The following PDE1A variants were observed in gnomAD, a reference collection of about 807,000 sequenced individuals.
The protein encoded by PDE1A is phosphodiesterase 1A.
A neutral mutation model predicts 61.7 loss-of-function variants in PDE1A; 35 were observed. The ratio of observed to expected loss-of-function variants is 0.57; its 90% confidence interval spans 0.43 to 0.75. The LOEUF is 0.75. PDE1A is among the 30% of genes least tolerant of loss of function. The pLI is 0.00. For missense variants in PDE1A, 597 were observed against 630.6 expected, an observed-to-expected ratio of 0.95 and a Z score of 0.57; for synonymous variants, 232 against 213.2, an observed-to-expected ratio of 1.09 and a Z score of -0.77.
At chr2:182,609,025 T>A in the PDE1A span, among the ~76,000 whole-genome samples, 1 of 151,954 alleles carries the variant, frequency 6.6e-6, no homozygotes, top group Non-Finnish European at 1.5e-5. Flanking sequence ...TCTAGTTAAT[T>A]TGGTGGGGAC....
intron 2 of PDE1A, among the ~76,000 whole-genome samples, chr2:182,501,072 A>G (rs1689057904): frequency 6.6e-6 from 1 of 152,234 alleles, no homozygotes; most frequent in South Asian, 2.1e-4. Context: ...GAGCATGTGC[A>G]AATTTACAAA....
intron 1 of PDE1A, among the ~76,000 whole-genome samples, chr2:182,372,094 A>T (rs570592268): frequency 1.6e-3 from 244 of 152,274 alleles, no homozygotes; most frequent in Non-Finnish European, 2.7e-3. Flanking sequence ...GCCAACTCTG[A>T]TATATTTTTA....
intron 1 of PDE1A, among the ~76,000 whole-genome samples, chr2:182,377,996 G>A (rs1490742118): frequency 3.9e-5 from 6 of 151,920 alleles, no homozygotes; most frequent in Admixed American, 6.6e-5. Flanking sequence ...ATAGGTGCCC[G>A]CCACCTCGCC....
Position 182,218,134 on chromosome 2 carries a change from T to C in PDE1A, c.776+5730A>G, listed in dbSNP as rs1009423674. Among the ~76,000 whole-genome samples, 8 of 149,892 alleles carry C rather than the reference T, an allele frequency of 5.3e-5. No homozygotes were observed. The East Asian group carries it at 8.0e-4, about 15-fold the overall frequency. On this transcript the variant is annotated intron_variant, in intron 7 of 13. Coordinates refer to ENST00000351439, the Ensembl canonical transcript of PDE1A. ...GTCCTTTGTAGGGACATGGATGAAA[T>C]TGGAAAACATCATTCTCAGTAAACT...
intron 1 of PDE1A, among the ~76,000 whole-genome samples, chr2:182,387,428 G>A (rs1701177693): frequency 6.6e-6 from 1 of 150,660 alleles, no homozygotes; most frequent in African/African-American, 2.4e-5. Context: ...AAAAAAAAAA[G>A]AAGAAAGAAA....
chr2:182,331,939 G>GTGT (rs1697439012), intron 1 of PDE1A, among the ~76,000 whole-genome samples: 1 of 152,130 alleles, frequency 6.6e-6, no homozygotes, highest in African/African-American at 2.4e-5. Context: ...AACCTGAAGA[G>GTGT]TGTTTTCTAA....
At chr2:182,590,774 T>C in the PDE1A span, among the ~76,000 whole-genome samples, 3 of 152,214 alleles carry the variant, frequency 2.0e-5, no homozygotes, top group Admixed American at 1.3e-4. Flanking sequence ...GAGGAAAATA[T>C]ATCTGTTACG....
chr2:182,643,125 T>G, the PDE1A span, among the ~76,000 whole-genome samples: 1 of 152,224 alleles, frequency 6.6e-6, no homozygotes, highest in Non-Finnish European at 1.5e-5. Flanking sequence ...AGACAACTAC[T>G]GCTGGGTCCT....
At chr2:182,498,045 CAAAAAAAAAAAAAAAAAA>C in intron 2 of PDE1A, among the ~76,000 whole-genome samples, 1 of 64,320 alleles carries the variant, frequency 1.6e-5, no homozygotes, top group East Asian at 4.5e-4. Context: ...GATTGCGTCT[CAAAAAAAAAAAAAAAAAA>C]AAAAAAAAGA....
intron 1 of PDE1A, among the ~76,000 whole-genome samples, chr2:182,269,045 C>T (rs994809189): frequency 1.3e-5 from 2 of 151,706 alleles, no homozygotes; most frequent in African/African-American, 4.8e-5. Flanking sequence ...AATTAGTAGA[C>T]AAAAATGTTG....
chr2:182,558,444 A>G, the PDE1A span, among the ~76,000 whole-genome samples: 2 of 152,200 alleles, frequency 1.3e-5, no homozygotes. Context: ...CTGTAATAAT[A>G]TAAAATAAAA....
the PDE1A span, among the ~76,000 whole-genome samples, chr2:182,673,996 A>ATATATATG: frequency 1.6e-3 from 40 of 25,418 alleles, no homozygotes; most frequent in African/African-American, 3.0e-3. Context: ...CTTCATATAT[A>ATATATATG]TATATATATA....
At position 182,206,078 on chromosome 2, in the gene PDE1A, A is replaced by C. The variant is rs1395713377; in HGVS notation, c.777-13T>G. 13 of 1,598,028 alleles carry C rather than the reference A, an allele frequency of 8.1e-6. No individual in the cohort carries two copies. The highest frequency in any genetic ancestry group is 6.0e-6 in the Non-Finnish European group (7 of 1,172,340). On this transcript the variant is annotated splice_polypyrimidine_tract_variant and intron_variant, in intron 7 of 13. Transcript: ENST00000351439. The stretch of plus-strand genomic sequence containing the variant: ...GGCAACATCTGACCTAAGAATTAAA[A>C]ACAAAATGCCCAACAGAGGATTTCT...
chr2:182,673,426 C>T, the PDE1A span, among the ~76,000 whole-genome samples: 6 of 152,092 alleles, frequency 3.9e-5, no homozygotes, highest in Admixed American at 3.3e-4. Flanking sequence ...AATATGACTC[C>T]ACTTCTTTTT....
At chr2:182,512,785 A>C (rs1156961745) in intron 2 of PDE1A, among the ~76,000 whole-genome samples, 1 of 152,238 alleles carries the variant, frequency 6.6e-6, no homozygotes, top group Non-Finnish European at 1.5e-5. Flanking sequence ...TGAAAAACTC[A>C]CTACAAGAAT....
At chr2:182,427,021 G>A in exon 1 of PDE1A, 2 of 996,556 alleles carry the variant, frequency 2.0e-6, no homozygotes, top group Non-Finnish European at 2.4e-6. Context: ...TCCACATGCT[G>A]GTCAAGCTCC....
At chr2:182,391,551 A>T (rs1559411557) in intron 1 of PDE1A, among the ~76,000 whole-genome samples, 1 of 152,150 alleles carries the variant, frequency 6.6e-6, no homozygotes, top group Non-Finnish European at 1.5e-5. Flanking sequence ...TGCAAAACAG[A>T]TTTGTGAGGG....
the PDE1A span, among the ~76,000 whole-genome samples, chr2:182,700,284 T>C: frequency 7.2e-5 from 11 of 152,226 alleles, no homozygotes; most frequent in Admixed American, 6.5e-4. Context: ...TTTAAAAAAA[T>C]ATGTAGGCCG....
chr2:182,256,855 T>C (rs1041799659), intron 2 of PDE1A, among the ~76,000 whole-genome samples: 2 of 152,250 alleles, frequency 1.3e-5, no homozygotes, highest in Admixed American at 6.5e-5. Flanking sequence ...TCCAAATCAG[T>C]AGATTGGTCT....
Sources: allele counts gnomAD v4.1 joint callset (sites outside exome capture counted in the v4.1 genomes callset), GRCh38; gene constraint gnomAD v4.1.1; transcripts MANE v1.5; gene names NCBI Gene and HGNC (gene_info 2026-07-23, HGNC 2026-07-21).